PSD2: variants seen among roughly 807,000 people sequenced by gnomAD.
PSD2 encodes the protein pleckstrin and Sec7 domain containing 2, also known as PH and SEC7 domain-containing protein 2.
A neutral mutation model predicts 69.8 loss-of-function variants in PSD2; 38 were observed. The ratio of observed to expected loss-of-function variants is 0.54; its 90% confidence interval spans 0.42 to 0.71. The LOEUF (loss-of-function observed/expected upper bound fraction) is 0.71, where lower values mean the gene tolerates loss of function less well. PSD2 is among the 30% of genes least tolerant of loss of function. The pLI is 0.00. For synonymous variants in PSD2, 412 were observed against 423.0 expected, an observed-to-expected ratio of 0.97 and a Z score of 0.32; for missense variants, 943 against 1,014.5, an observed-to-expected ratio of 0.93 and a Z score of 0.96.
chr5:139,825,067 C>A (rs1164792494), intron 7 of PSD2, among the ~76,000 whole-genome samples: 1 of 152,176 alleles, frequency 6.6e-6, no homozygotes, highest in Non-Finnish European at 1.5e-5. Flanking sequence ...CAACAACAAC[C>A]CTGCTTTTGT....
chr5:139,837,148 A>G lies in PSD2; in HGVS notation c.1595-20A>G, dbSNP rs777646558. 27 of 1,613,328 alleles carry G rather than the reference A, an allele frequency of 1.7e-5. No individual in the cohort carries two copies. Among genetic ancestry groups the G allele is most frequent in the African/African-American group, 5.3e-5 (4 of 74,898 alleles). ...TGCAGAGGGTGGCTGCAGCCACACT[A>G]CCAGTGCCCTCCTCCCCAGCGCCCC... is the stretch of plus-strand genomic sequence containing the variant. On this transcript the variant is annotated intron_variant, in intron 10 of 14. Coordinates refer to ENST00000274710, the MANE Select transcript of PSD2 (RefSeq NM_032289.4). This position sits in a 1 kb window ranked among gnomAD's most constrained non-coding sequence, Gnocchi z 5.0.
chr5:139,810,031 G>A (rs899179552), intron 2 of PSD2, among the ~76,000 whole-genome samples: 10 of 152,022 alleles, frequency 6.6e-5, no homozygotes, highest in Admixed American at 1.3e-4. Context: ...TTGTGCCATC[G>A]TGAGCTGCTT....
chr5:139,799,276 TCTGA>T (rs1397793829), intron 1 of PSD2, among the ~76,000 whole-genome samples: 1 of 152,132 alleles, frequency 6.6e-6, no homozygotes, highest in Non-Finnish European at 1.5e-5. Context: ...GGTCAGCAAA[TCTGA>T]CTGAACCCCT....
At chr5:139,779,425 C>T in the PSD2 span, among the ~76,000 whole-genome samples, 1 of 152,162 alleles carries the variant, frequency 6.6e-6, no homozygotes, top group Admixed American at 6.6e-5. Context: ...CTCCTTTACC[C>T]ATCAAGTCAT....
intron 2 of PSD2, among the ~76,000 whole-genome samples, chr5:139,812,441 G>C (rs943825634): frequency 6.6e-6 from 1 of 152,180 alleles, no homozygotes; most frequent in African/African-American, 2.4e-5. Flanking sequence ...GGGGCCATGG[G>C]GCTGACAAGC....
In PSD2 at chr5:139,833,154, C is replaced by T. The variant is rs1760633006; in HGVS notation, c.1270-548C>T. ...AATATGCAGAGCTTCTGCTCAGAAG[C>T]CAAGAGGCCTGGGTTCAAGTCCTGG... On this transcript the variant is annotated intron_variant, in intron 7 of 14. Transcript: ENST00000274710. 3.3e-5 allele frequency among the ~76,000 whole-genome samples: 5 copies of T among 152,088 alleles called. No homozygotes were observed. In the South Asian group the frequency reaches 1.0e-3, roughly 32 times the overall value.
intron 1 of PSD2, among the ~76,000 whole-genome samples, chr5:139,805,210 A>T (rs1581712050): frequency 6.6e-6 from 1 of 152,062 alleles, no homozygotes; most frequent in Non-Finnish European, 1.5e-5. Context: ...GGTGGGCCCC[A>T]CCTCCAGCCC....
the PSD2 span, among the ~76,000 whole-genome samples, chr5:139,773,203 C>T: frequency 6.6e-6 from 1 of 152,120 alleles, no homozygotes; most frequent in Non-Finnish European, 1.5e-5. Context: ...ACTCCCCCAC[C>T]TCCTTTCCCA....
rs113966838 is a variant in PSD2, at chr5:139,837,682, G to T, written c.1723G>T (p.Val575Leu). ...GGGTGACCTGAAGAACGCCATTCGC[G>T]TGCATCACGCTCTGGCCACCAGGGC... ...SEGDLKNAIR[V>L]HHALATRASD... Residue 575 changes from valine to leucine, a missense_variant, in exon 12 of 15, where the codon GTG becomes TTG. Physicochemically the swap from Val to Leu is conservative, Grantham distance 32. Coordinates refer to ENST00000274710, the MANE Select transcript of PSD2 (RefSeq NM_032289.4). This position sits in a 1 kb window ranked among gnomAD's most constrained non-coding sequence, Gnocchi z 5.0. 8 of 1,614,074 alleles carry T rather than the reference G, an allele frequency of 5.0e-6. No homozygotes were observed. The highest frequency in any genetic ancestry group is 5.1e-6 in the Non-Finnish European group (6 of 1,179,944).
intron 1 of PSD2, among the ~76,000 whole-genome samples, chr5:139,796,227 G>A (rs1243665996): frequency 1.3e-5 from 2 of 152,220 alleles, no homozygotes; most frequent in African/African-American, 2.4e-5. Context: ...CCGGGGAGAG[G>A]GGGCGCCGCG....
At chr5:139,802,796 G>T (rs372029427) in intron 1 of PSD2, among the ~76,000 whole-genome samples, 2 of 152,320 alleles carry the variant, frequency 1.3e-5, no homozygotes, top group African/African-American at 4.8e-5. Context: ...GTGCCAATTG[G>T]CTGGGGGGTT....
At chr5:139,780,376 A>G in the PSD2 span, among the ~76,000 whole-genome samples, 2 of 152,208 alleles carry the variant, frequency 1.3e-5, no homozygotes, top group African/African-American at 2.4e-5. Context: ...CTGAACTTGT[A>G]TAATTGCTTT....
chr5:139,771,009 C>T, the PSD2 span, among the ~76,000 whole-genome samples: 1 of 152,184 alleles, frequency 6.6e-6, no homozygotes, highest in East Asian at 1.9e-4. Context: ...TTTTTCTTTA[C>T]TTAAAATGAT....
the PSD2 span, among the ~76,000 whole-genome samples, chr5:139,760,239 T>C: frequency 6.6e-6 from 1 of 152,232 alleles, no homozygotes; most frequent in South Asian, 2.1e-4. Context: ...TGAGCAAGCA[T>C]TGCCTGAAGC....
intron 1 of PSD2, among the ~76,000 whole-genome samples, chr5:139,802,289 TG>T (rs1186009928): frequency 6.6e-6 from 1 of 151,884 alleles, no homozygotes; most frequent in African/African-American, 2.4e-5. Context: ...GTGTGAAAAC[TG>T]GGCAGACAGA....
At chr5:139,838,898 A>G in intron 13 of PSD2, 126 bp downstream of exon 13, 1 of 1,019,022 alleles carries the variant, frequency 9.8e-7, no homozygotes, top group South Asian at 1.6e-5. Context: ...ACACCAGAGA[A>G]GGACACCTGT....
rs1760489038 is a variant in PSD2 at position 139,828,593 on chromosome 5, G to T, written c.1270-5109G>T. Reference sequence around the variant, plus strand: ...GCCTAGATTTGCAAATAGTGGCAAGGGTTTTTCTGCCATAGGACCTTTGAT... The same window carrying T: ...GCCTAGATTTGCAAATAGTGGCAAGTGTTTTTCTGCCATAGGACCTTTGAT... On this transcript the variant is annotated intron_variant, in intron 7 of 14. Coordinates refer to ENST00000274710, the MANE Select transcript of PSD2 (RefSeq NM_032289.4). Among the ~76,000 whole-genome samples, 5 of 152,180 alleles carry T rather than the reference G, an allele frequency of 3.3e-5. No homozygotes were observed. In the South Asian group the frequency reaches 1.0e-3, roughly 32 times the overall value.
chr5:139,781,882 C>A, the PSD2 span, among the ~76,000 whole-genome samples: 1 of 151,466 alleles, frequency 6.6e-6, no homozygotes, highest in South Asian at 2.1e-4. Flanking sequence ...GATCCGCCCA[C>A]CTCGGCCTCC....
chr5:139,809,617 A>G lies in PSD2; in HGVS notation c.177A>G (p.Glu59=), dbSNP rs766080447. The change falls in exon 2 of 15, where the codon GAA becomes GAG. Residue 59 remains glutamate (E), a synonymous_variant. Coordinates refer to ENST00000274710, the MANE Select transcript of PSD2 (RefSeq NM_032289.4). ...ERRGTPADTE[E]PTKDPDVAFH... is the part of the protein sequence containing the mutation. The stretch of plus-strand genomic sequence containing the variant: ...GGGGCACCCCAGCGGACACTGAGGA[A>G]CCCACGAAGGACCCAGATGTGGCCT... The G allele has an allele frequency of 1.9e-6, 3 of 1,614,228 alleles. No individual in the cohort carries two copies. The highest frequency in any genetic ancestry group is 2.5e-6 in the Non-Finnish European group (3 of 1,180,036).
Sources: gnomAD v4.1 joint callset for allele counts (sites outside exome capture counted in the v4.1 genomes callset) on GRCh38, gnomAD v4.1.1 for gene constraint, Gnocchi (gnomAD v3.1) non-coding constraint, MANE v1.5 for transcripts, NCBI Gene and HGNC (gene_info 2026-07-23, HGNC 2026-07-21) for gene names.